Variants in PLXNB2 observed in about 807,000 individuals in gnomAD.
PLXNB2 encodes plexin B2.
PLXNB2 carries 85 observed loss-of-function variants against 202.6 expected under a neutral mutation model. The observed-to-expected ratio is 0.42, with a 90% CI of 0.35 to 0.50. The LOEUF is 0.50. Among genes scored for constraint, PLXNB2 ranks in the 20% least tolerant of loss-of-function variants. PLXNB2 has a pLI of 0.02. For synonymous variants in PLXNB2, 1,239 were observed against 1,137.6 expected (o/e 1.09, Z -1.79); for missense variants, 2,063 against 2,586.2 (o/e 0.80, Z 4.39).
rs780551880 is a variant in PLXNB2 at position 50,287,870 on chromosome 22, G to A, written c.1481+67C>T. 7.2e-4 allele frequency: 1,146 copies of A among 1,590,960 alleles called. 2 individuals carry two copies. The highest frequency in any genetic ancestry group is 8.3e-4 in the Non-Finnish European group (969 of 1,173,154). ...GACAGGACAGTGCGATGTGCCCCCC[G>A]ACCCAGGCCACGACCTTCCGGGATC... On this transcript the variant is annotated intron_variant, in intron 6 of 36. Coordinates refer to ENST00000359337, the MANE Select transcript of PLXNB2 (RefSeq NM_012401.4).
rs1197069597 is a variant in PLXNB2 at position 50,275,270 on chromosome 22, C to T, written c.*434G>A. On this transcript the variant is annotated 3_prime_UTR_variant, in exon 37 of 37. Coordinates refer to ENST00000359337, the MANE Select transcript of PLXNB2 (RefSeq NM_012401.4). ...ACCGCTTTTTCTCCTCCTCCCATCTCGTGGTGGACAGACAGACATAGGATC... is the reference window on the plus strand; with the variant it reads ...ACCGCTTTTTCTCCTCCTCCCATCTTGTGGTGGACAGACAGACATAGGATC... 1 of 396,944 alleles carries T rather than the reference C, an allele frequency of 2.5e-6. No homozygotes were observed. The highest frequency in any genetic ancestry group is 1.7e-5 in the South Asian group (1 of 58,718). 24.6% of individuals were successfully genotyped at this position (396,944 alleles called of 1,614,324 possible). A position where few individuals can be genotyped will look rare whatever the true frequency, so the allele number is the denominator to read the frequency against.
chr22:50,276,550 C>T, intron 35 of PLXNB2, 79 bp downstream of exon 35: 1 of 1,242,536 alleles, frequency 8.0e-7, no homozygotes, highest in Non-Finnish European at 1.2e-6. Context: ...TTACCCCTGC[C>T]CTGCAGCTCA....
At chr22:50,287,446 G>A (rs528345051) in intron 7 of PLXNB2, among the ~76,000 whole-genome samples, 182 bp from the exon 8 acceptor site, 2 of 152,266 alleles carry the variant, frequency 1.3e-5, no homozygotes, top group South Asian at 4.1e-4. Context: ...CAGGGCCTGA[G>A]TCCACCCTGG....
intron 25 of PLXNB2, 67 bp from the exon 26 acceptor site, chr22:50,280,138 C>T: frequency 1.5e-6 from 2 of 1,331,190 alleles, no homozygotes; most frequent in East Asian, 2.3e-5. Flanking sequence ...CTGACTCCTC[C>T]AAGCACCCGG....
rs189660980 is a variant in PLXNB2 at position 50,288,347 on chromosome 22, C to A, written c.1381-310G>T. Reference sequence around the variant, plus strand: ...CTGAGGGTCTCTGGCACTAACCCCCCACAAGCTTGGGGCCCAGGCCCATGT... The same window carrying A: ...CTGAGGGTCTCTGGCACTAACCCCCAACAAGCTTGGGGCCCAGGCCCATGT... On this transcript the variant is annotated intron_variant, in intron 5 of 36. Transcript: ENST00000359337. This position sits in a 1 kb window ranked among gnomAD's most constrained non-coding sequence, Gnocchi z 5.0. Among the ~76,000 whole-genome samples, 31 of 152,246 alleles carry A rather than the reference C, an allele frequency of 2.0e-4. No individual in the cohort carries two copies. The highest frequency in any genetic ancestry group is 4.3e-4 in the Non-Finnish European group (29 of 68,016).
Position 50,288,260 on chromosome 22 carries a change from T to C in PLXNB2, c.1381-223A>G, listed in dbSNP as rs2066614635. Among the ~76,000 whole-genome samples the C allele has an allele frequency of 6.6e-6, 1 of 151,956 alleles. No individual in the cohort carries two copies. The highest frequency in any genetic ancestry group is 1.5e-5 in the Non-Finnish European group (1 of 67,964). On this transcript the variant is annotated intron_variant, in intron 5 of 36. Transcript: ENST00000359337. This position sits in a 1 kb window ranked among gnomAD's most constrained non-coding sequence, Gnocchi z 5.0. ...AAGCCTGGAGGTCTTGGCTATGGTGTCTCCCGGGGCAGCTCCTGTCCTCTA... is the reference window on the plus strand; with the variant it reads ...AAGCCTGGAGGTCTTGGCTATGGTGCCTCCCGGGGCAGCTCCTGTCCTCTA...
In PLXNB2 at chr22:50,277,559, C is replaced by T. The variant is rs1347082272; in HGVS notation, c.5196+32G>A. 7 of 1,533,110 alleles carry T rather than the reference C, an allele frequency of 4.6e-6. No individual in the cohort carries two copies. The South Asian group carries it at 7.6e-5, about 17-fold the overall frequency. 95.0% of individuals were successfully genotyped at this position (1,533,110 alleles called of 1,614,324 possible). ...GCCTCCTGGGGACAGACCCAGGCCT[C>T]CCTGCCCCAGACCTGCCCCCACCCC... is the stretch of plus-strand genomic sequence containing the variant. On this transcript the variant is annotated intron_variant, in intron 33 of 36. Transcript: ENST00000359337.
chr22:50,276,023 G>A (rs1304320758), intron 35 of PLXNB2, 60 bp from the exon 36 acceptor site: 4 of 1,495,604 alleles, frequency 2.7e-6, no homozygotes, highest in East Asian at 4.5e-5. Flanking sequence ...AGGGCTGGCA[G>A]GAGTAGTACG....
chr22:50,288,069 G>A lies in PLXNB2; in HGVS notation c.1381-32C>T. 1.3e-6 allele frequency: 2 copies of A among 1,501,096 alleles called. No homozygotes were observed. The highest frequency in any genetic ancestry group is 1.8e-6 in the Non-Finnish European group (2 of 1,104,346). 93.0% of individuals were successfully genotyped at this position (1,501,096 alleles called of 1,614,324 possible). A position where few individuals can be genotyped will look rare whatever the true frequency, so the allele number is the denominator to read the frequency against. The stretch of plus-strand genomic sequence containing the variant: ...CAGCGGGGCCGTGAGTGGGACCACA[G>A]CAGAGGCCGCACGGGCCTTCCGCAG... On this transcript the variant is annotated intron_variant, in intron 5 of 36. Transcript: ENST00000359337. The surrounding 1 kb of genome is among the most constrained non-coding windows in gnomAD (Gnocchi z 5.0).
At chr22:50,283,516 C>T (rs970836584) in intron 15 of PLXNB2, 71 bp from the exon 16 acceptor site, 4 of 1,537,002 alleles carry the variant, frequency 2.6e-6, no homozygotes, top group African/African-American at 1.4e-5. Context: ...CTCACCCCCT[C>T]AGCCTCCCCA....
At position 50,278,260 on chromosome 22, in the gene PLXNB2, G is replaced by A. The variant is rs765707742; in HGVS notation, c.4744C>T (p.Leu1582=). 6.2e-7 allele frequency: 1 copy of A among 1,610,818 alleles called. No homozygotes were observed. Among genetic ancestry groups the A allele is most frequent in the African/African-American group, 1.3e-5 (1 of 74,934 alleles). ...TGCCACACCCGGTTCTCCTCCTCCA[G>A]GAGGGCATGGCCTGTGGGGAGCGGG... ...QDLPGERHAL[L]EEENRVWHLV... Residue 1582 remains leucine, a synonymous_variant, in exon 31 of 37, where the codon CTG becomes TTG. Transcript: ENST00000359337.
In PLXNB2 at chr22:50,275,593, G is replaced by T; in HGVS notation, c.*111C>A. The stretch of plus-strand genomic sequence containing the variant: ...GGCTGCACCCACTCCGGCTTGGGGC[G>T]CGTTCCAGGGGAGGGTGGGGGCCTC... On this transcript the variant is annotated 3_prime_UTR_variant, in exon 37 of 37. Transcript: ENST00000359337. 1 of 735,642 alleles carries T rather than the reference G, an allele frequency of 1.4e-6. No individual in the cohort carries two copies. The highest frequency in any genetic ancestry group is 2.5e-5 in the Admixed American group (1 of 40,394). 45.6% of individuals were successfully genotyped at this position (735,642 alleles called of 1,614,324 possible).
intron 1 of PLXNB2, among the ~76,000 whole-genome samples, chr22:50,296,871 CACCAGCAG>C: frequency 6.6e-6 from 1 of 152,210 alleles, no homozygotes; most frequent in African/African-American, 2.4e-5. Flanking sequence ...CATGCAGTGA[CACCAGCAG>C]GGGGGCGGCG....
At position 50,281,348 on chromosome 22, in the gene PLXNB2, G is replaced by A. The variant is rs773198331; in HGVS notation, c.3662+12C>T. On this transcript the variant is annotated intron_variant, in intron 22 of 36. Transcript: ENST00000359337. ...GGCTCAGGGTGTTGGCACAGCCGGG[G>A]GGCGGGCTCACCAGTAGCAGTAGAC... 12 of 1,611,146 alleles carry A rather than the reference G, an allele frequency of 7.4e-6. No homozygotes were observed. The highest frequency in any genetic ancestry group is 2.7e-5 in the African/African-American group (2 of 74,914).
intron 25 of PLXNB2, 33 bp downstream of exon 25, chr22:50,280,456 C>T (rs931385852): frequency 1.0e-5 from 16 of 1,569,710 alleles, no homozygotes; most frequent in Middle Eastern, 1.7e-4. Flanking sequence ...CCGCCCCGCC[C>T]GTGGCCCCGC....
chr22:50,278,838 C>A lies in PLXNB2; in HGVS notation c.4546+17G>T, dbSNP rs973641226. 1 of 1,605,078 alleles carries A rather than the reference C, an allele frequency of 6.2e-7. No homozygotes were observed. Among genetic ancestry groups the A allele is most frequent in the Admixed American group, 1.7e-5 (1 of 59,716 alleles). ...ACATGGGCGCCTGTGTGCAGACGGG[C>A]AGGGGCCGGCACTCACCCAGGACCA... On this transcript the variant is annotated intron_variant, in intron 28 of 36. Coordinates refer to ENST00000359337, the MANE Select transcript of PLXNB2 (RefSeq NM_012401.4).
In PLXNB2 at chr22:50,282,307, G is replaced by A. The variant is rs773586651; in HGVS notation, c.2994C>T (p.Gly998=). Residue 998 remains glycine (G), a synonymous_variant, in exon 19 of 37, where the codon GGC becomes GGT. Transcript: ENST00000359337. ...FEPLRSFASG[G]RSINVTGQGF... Reference sequence around the variant, plus strand: ...CCTGACCCGTGACGTTGATGCTGCGGCCACCACTGCGGAGGGCAGTGCCTT... The same window carrying A: ...CCTGACCCGTGACGTTGATGCTGCGACCACCACTGCGGAGGGCAGTGCCTT... The A allele has an allele frequency of 5.0e-6, 8 of 1,608,820 alleles. No individual in the cohort carries two copies. The Admixed American group carries it at 6.7e-5, about 14-fold the overall frequency.
Position 50,290,368 on chromosome 22 carries a change from G to A in PLXNB2, c.217C>T (p.Leu73=), listed in dbSNP as rs1310856490. The A allele has an allele frequency of 6.2e-7, 1 of 1,612,852 alleles. No individual in the cohort carries two copies. The highest frequency in any genetic ancestry group is 8.5e-7 in the Non-Finnish European group (1 of 1,179,982). Reference sequence around the variant, plus strand: ...GGCGGCGTGCACTTCTTGTTGTCCAGGGCCGGGCCCGTGGCCACCTGCTGC... The same window carrying A: ...GGCGGCGTGCACTTCTTGTTGTCCAAGGCCGGGCCCGTGGCCACCTGCTGC... ...LEQQVATGPA[L]DNKKCTPPIE... is the part of the protein sequence containing the mutation. The change falls in exon 3 of 37, where the codon CTG becomes TTG. Residue 73 remains leucine, a synonymous_variant. Transcript: ENST00000359337.
Position 50,284,191 on chromosome 22 carries a change from G to A in PLXNB2, c.2204C>T (p.Thr735Met), listed in dbSNP as rs200165560. 5.2e-5 allele frequency: 84 copies of A among 1,612,620 alleles called. No individual in the cohort carries two copies. Among genetic ancestry groups the A allele is most frequent in the South Asian group, 7.7e-5 (7 of 91,080 alleles). The change falls in exon 13 of 37, where the codon ACG becomes ATG. Residue 735 changes from threonine to methionine, a missense_variant. Physicochemically the swap from Thr to Met is moderately conservative, Grantham distance 81 (BLOSUM62 -1). This residue lies in a region of PLXNB2 where 1,303 missense variants were observed against 1,476.8 expected (regional missense o/e 0.88). Coordinates refer to ENST00000359337, the MANE Select transcript of PLXNB2 (RefSeq NM_012401.4). The surrounding 1 kb of genome is among the most constrained non-coding windows in gnomAD (Gnocchi z 8.0). ...CTTGACGTAGAGGTGCAGGGGCAGC[G>A]TCTCGTTGGCATCGTGGGACAGCTG... Reference protein sequence around the residue: ...TPKLSHDANETLPLHLYVKSY... With the variant: ...TPKLSHDANEMLPLHLYVKSY...
Sources: allele counts gnomAD v4.1 joint callset (sites outside exome capture counted in the v4.1 genomes callset), GRCh38; gene constraint gnomAD v4.1.1; regional missense constraint gnomAD v4.1.1; non-coding constraint Gnocchi (gnomAD v3.1); transcripts MANE v1.5; gene names NCBI Gene and HGNC (gene_info 2026-07-23, HGNC 2026-07-21).